Variants in CEMIP observed in about 807,000 individuals in gnomAD.
CEMIP encodes cell migration-inducing and hyaluronan-binding protein.
A neutral mutation model predicts 156.9 loss-of-function variants in CEMIP; 105 were observed. The ratio of observed to expected loss-of-function variants is 0.67; its 90% CI spans 0.57 to 0.79. CEMIP has a LOEUF of 0.79. CEMIP is among the 30% of genes least tolerant of loss of function. The pLI is 0.00. For missense variants in CEMIP, 1,457 were observed against 1,769.4 expected (o/e 0.82, Z 3.17); for synonymous variants, 676 against 668.4 (o/e 1.01, Z -0.17).
In CEMIP at chr15:80,936,767, A is replaced by G. The variant is rs1354117530; in HGVS notation, c.3103A>G (p.Thr1035Ala). 1 of 1,613,624 alleles carries G rather than the reference A, an allele frequency of 6.2e-7. No homozygotes were observed. The highest frequency in any genetic ancestry group is 1.7e-5 in the Admixed American group (1 of 60,026). ...SHPLYLEGALTRSTHYQQYQP... is the reference protein window; with the variant it reads ...SHPLYLEGALARSTHYQQYQP... ...CCCTCTTTACCTGGAGGGGGCGCTC[A>G]CCAGGAGCACCCATTACCAGCAATA... is the stretch of plus-strand genomic sequence containing the variant. The change falls in exon 24 of 30, where the codon ACC (threonine) becomes GCC (alanine). Residue 1035 changes from threonine (T) to alanine (A), a missense_variant. Thr to Ala is a moderately conservative substitution (Grantham distance 58). This residue lies in a region of CEMIP where 798 missense variants were observed against 980.1 expected (regional missense o/e 0.81). Coordinates refer to ENST00000394685, the MANE Select transcript of CEMIP (RefSeq NM_001293298.2).
intron 1 of CEMIP, among the ~76,000 whole-genome samples, chr15:80,805,886 A>G (rs957214659): frequency 1.3e-5 from 2 of 152,198 alleles, no homozygotes; most frequent in South Asian, 4.1e-4. Flanking sequence ...TGTTTGAGTC[A>G]TCCTGTGTCA....
intron 1 of CEMIP, among the ~76,000 whole-genome samples, chr15:80,803,323 A>T (rs1896425335): frequency 6.6e-6 from 1 of 152,224 alleles, no homozygotes; most frequent in Non-Finnish European, 1.5e-5. Flanking sequence ...AAAGCTATGG[A>T]TGACTTCCCA....
intron 1 of CEMIP, among the ~76,000 whole-genome samples, chr15:80,865,804 G>A (rs1362384532): frequency 2.6e-5 from 4 of 152,090 alleles, no homozygotes; most frequent in Admixed American, 6.5e-5. Context: ...TTACTCTTAC[G>A]TTAAATCTCA....
intron 3 of CEMIP, among the ~76,000 whole-genome samples, chr15:80,874,493 A>G (rs1898405392): frequency 6.6e-6 from 1 of 152,176 alleles, no homozygotes; most frequent in Non-Finnish European, 1.5e-5. Context: ...AAAACAAAAA[A>G]ACACGTATCT....
chr15:80,921,514 G>C (rs1299440625), intron 16 of CEMIP, among the ~76,000 whole-genome samples: 1 of 152,216 alleles, frequency 6.6e-6, no homozygotes, highest in African/African-American at 2.4e-5. Flanking sequence ...AAGGTTAGGA[G>C]AGCTGACATG....
At chr15:80,800,067 G>A (rs561557311) in intron 1 of CEMIP, among the ~76,000 whole-genome samples, 4 of 148,928 alleles carry the variant, frequency 2.7e-5, no homozygotes, top group Admixed American at 6.7e-5. Flanking sequence ...GTGTGTAGAC[G>A]GGATCTCATC....
At chr15:80,814,666 G>C (rs1014919999) in intron 1 of CEMIP, among the ~76,000 whole-genome samples, 1 of 152,156 alleles carries the variant, frequency 6.6e-6, no homozygotes, top group African/African-American at 2.4e-5. Flanking sequence ...AGGATAGGTA[G>C]GCTTTGGGCC....
chr15:80,876,445 G>A (rs1314969499), intron 3 of CEMIP, among the ~76,000 whole-genome samples: 1 of 152,176 alleles, frequency 6.6e-6, no homozygotes, highest in African/African-American at 2.4e-5. Flanking sequence ...TTTTCCTTTT[G>A]TTGCCACTGC....
intron 22 of CEMIP, 94 bp from the exon 23 acceptor site, chr15:80,933,151 G>A (rs112207631): frequency 0.029 from 32,496 of 1,109,370 alleles, 586 homozygotes; most frequent in Non-Finnish European, 0.037. Flanking sequence ...GGCTTGTAAC[G>A]TCAGTGGAAA....
rs371586824 is a variant in CEMIP at position 80,933,119 on chromosome 15, C to T, written c.2794-126C>T. On this transcript the variant is annotated intron_variant, in intron 22 of 29. Transcript: ENST00000394685. The stretch of plus-strand genomic sequence containing the variant: ...CAGCCACGTGGTTTCTCTCAGTGCC[C>T]GAGAGCATCTTTGTTTTGGCTGGCT... The T allele has an allele frequency of 4.0e-5, 33 of 829,570 alleles. No individual in the cohort carries two copies. The Admixed American group carries it at 4.1e-4, about 10-fold the overall frequency. The allele number at this position is 829,570 out of a possible 1,614,324, so 51.4% of individuals were successfully genotyped here.
At chr15:80,820,136 TTC>T (rs1896875845) in intron 1 of CEMIP, among the ~76,000 whole-genome samples, 1 of 152,232 alleles carries the variant, frequency 6.6e-6, no homozygotes, top group Non-Finnish European at 1.5e-5. Flanking sequence ...ATGCCACCTC[TTC>T]TGTCTCCCTC....
intron 1 of CEMIP, among the ~76,000 whole-genome samples, chr15:80,811,998 G>A (rs1034944377): frequency 1.3e-4 from 20 of 151,952 alleles, no homozygotes; most frequent in African/African-American, 4.6e-4. Flanking sequence ...TCCACGTCCC[G>A]GTTTGTTGTT....
At chr15:80,917,884 G>A (rs1318573760) in intron 14 of CEMIP, among the ~76,000 whole-genome samples, 1 of 152,166 alleles carries the variant, frequency 6.6e-6, no homozygotes, top group Non-Finnish European at 1.5e-5. Context: ...AGATTAAAAG[G>A]TATAAGAGGC....
intron 1 of CEMIP, among the ~76,000 whole-genome samples, chr15:80,793,925 A>G (rs1896150026): frequency 6.6e-6 from 1 of 152,234 alleles, no homozygotes; most frequent in Non-Finnish European, 1.5e-5. Flanking sequence ...ATAGGTGCTC[A>G]TTACAGTTTT....
intron 7 of CEMIP, 71 bp from the exon 8 acceptor site, chr15:80,887,623 T>A (rs1361998760): frequency 8.3e-7 from 1 of 1,208,856 alleles, no homozygotes; most frequent in East Asian, 2.4e-5. Flanking sequence ...CTCTGCCCCA[T>A]CCCCCCACAC....
intron 1 of CEMIP, among the ~76,000 whole-genome samples, chr15:80,836,681 A>ACCTCCTGGGTTTTCTGCCT (rs1897278097): frequency 8.7e-6 from 1 of 115,576 alleles, no homozygotes. Context: ...GTTTTCTGCC[A>ACCTCCTGGGTTTTCTGCCT]GCCTTACCCT....
At chr15:80,853,263 G>C (rs1202790737) in intron 1 of CEMIP, among the ~76,000 whole-genome samples, 1 of 152,182 alleles carries the variant, frequency 6.6e-6, no homozygotes, top group Non-Finnish European at 1.5e-5. Flanking sequence ...GGAAAGGGGG[G>C]AAAAGCATGG....
chr15:80,931,358 T>C (rs944121159), intron 21 of CEMIP, among the ~76,000 whole-genome samples: 5 of 152,224 alleles, frequency 3.3e-5, no homozygotes, highest in African/African-American at 1.2e-4. Flanking sequence ...GAGAAACTCA[T>C]GTGGGTCTTA....
At chr15:80,786,665 A>C (rs8038827) in intron 1 of CEMIP, among the ~76,000 whole-genome samples, 2 of 151,942 alleles carry the variant, frequency 1.3e-5, no homozygotes. Flanking sequence ...GAATTACCAC[A>C]TGTGTGATAA....
Sources: gnomAD v4.1 joint callset for allele counts (sites outside exome capture counted in the v4.1 genomes callset) on GRCh38, gnomAD v4.1.1 for gene constraint, gnomAD v4.1.1 regional missense constraint, MANE v1.5 for transcripts, NCBI Gene and HGNC (gene_info 2026-07-23, HGNC 2026-07-21) for gene names.